ADAMTSL1: variants seen among roughly 807,000 people sequenced by gnomAD.
ADAMTSL1 encodes the protein ADAMTS-like protein 1.
ADAMTSL1 carries 126 observed loss-of-function variants against 201.8 expected under a neutral mutation model. The ratio of observed to expected loss-of-function variants is 0.62; its 90% CI spans 0.54 to 0.72. The LOEUF (loss-of-function observed/expected upper bound fraction) is 0.72. Among genes scored for constraint, ADAMTSL1 ranks in the 30% least tolerant of loss-of-function variants. The pLI is 0.00. For synonymous variants in ADAMTSL1, 1,121 were observed against 903.4 expected (o/e 1.24, Z -4.32); for missense variants, 2,679 against 2,277.8 (o/e 1.18, Z -3.59).
intron 1 of ADAMTSL1, among the ~76,000 whole-genome samples, chr9:17,928,138 G>T (rs1439746272): frequency 6.6e-6 from 1 of 151,806 alleles, no homozygotes; most frequent in Non-Finnish European, 1.5e-5. Flanking sequence ...GGGACTACAG[G>T]GATACGCCAA....
At chr9:18,032,765 T>G (rs1006835308) in intron 1 of ADAMTSL1, among the ~76,000 whole-genome samples, 4 of 152,226 alleles carry the variant, frequency 2.6e-5, no homozygotes. Context: ...GGGGTTGTGG[T>G]ATCTCTTGTG....
At chr9:17,985,307 C>A (rs12375839) in intron 1 of ADAMTSL1, among the ~76,000 whole-genome samples, 27,564 of 151,956 alleles carry the variant, frequency 0.18, 2,925 homozygotes, top group East Asian at 0.35. Flanking sequence ...AAATATTAAA[C>A]CTTTTGTATA....
chr9:18,295,861 T>C (rs891488678), intron 2 of ADAMTSL1, among the ~76,000 whole-genome samples: 2 of 152,348 alleles, frequency 1.3e-5, no homozygotes, highest in Admixed American at 1.3e-4. Context: ...ATTTGGATTT[T>C]TAAAAATGTA....
At chr9:18,314,875 C>G (rs1369981127) in intron 2 of ADAMTSL1, among the ~76,000 whole-genome samples, 1 of 139,098 alleles carries the variant, frequency 7.2e-6, no homozygotes, top group Non-Finnish European at 1.5e-5. Context: ...CGGCTCACTG[C>G]AAGCTCCGCC....
At chr9:18,337,502 T>A (rs1835291359) in intron 2 of ADAMTSL1, among the ~76,000 whole-genome samples, 1 of 152,156 alleles carries the variant, frequency 6.6e-6, no homozygotes, top group South Asian at 2.1e-4. Flanking sequence ...ACAATTATTA[T>A]CCATATTGTT....
At chr9:18,486,040 A>C (rs75387763) in intron 1 of ADAMTSL1, among the ~76,000 whole-genome samples, 2,080 of 152,316 alleles carry the variant, frequency 0.014, 49 homozygotes, top group African/African-American at 0.047. Flanking sequence ...TTGAGGCCTC[A>C]GAGGCTCTTA....
chr9:17,967,925 G>T (rs1818045036), intron 1 of ADAMTSL1, among the ~76,000 whole-genome samples: 1 of 152,108 alleles, frequency 6.6e-6, no homozygotes, highest in Admixed American at 6.6e-5. Context: ...AATAGACAGG[G>T]TGTGTAACTT....
At chr9:18,749,489 C>T (rs931406166) in intron 15 of ADAMTSL1, among the ~76,000 whole-genome samples, 1 of 152,140 alleles carries the variant, frequency 6.6e-6, no homozygotes, top group African/African-American at 2.4e-5. Context: ...ATCCCCTGTC[C>T]TCCTTGCACC....
intron 1 of ADAMTSL1, among the ~76,000 whole-genome samples, chr9:18,053,393 A>G (rs1311595928): frequency 2.0e-5 from 3 of 152,196 alleles, no homozygotes; most frequent in Non-Finnish European, 4.4e-5. Flanking sequence ...AAATGTTCAT[A>G]CTTTTTCACA....
intron 19 of ADAMTSL1, among the ~76,000 whole-genome samples, chr9:18,791,762 T>A (rs985144855): frequency 3.3e-5 from 5 of 152,210 alleles, no homozygotes; most frequent in African/African-American, 1.2e-4. Flanking sequence ...GTATATAGTG[T>A]TTATGGAATA....
At chr9:18,751,069 C>A (rs1161911995) in intron 15 of ADAMTSL1, among the ~76,000 whole-genome samples, 2 of 152,100 alleles carry the variant, frequency 1.3e-5, no homozygotes, top group Non-Finnish European at 2.9e-5. Flanking sequence ...TAGAAGTGAG[C>A]CACTAAGTCT....
intron 1 of ADAMTSL1, among the ~76,000 whole-genome samples, chr9:18,117,935 T>C (rs192533303): frequency 4.9e-4 from 74 of 152,352 alleles, no homozygotes; most frequent in African/African-American, 1.7e-3. Context: ...TTTGCTTTAA[T>C]GCTTGATCAT....
chr9:18,129,822 G>T (rs530754555), intron 1 of ADAMTSL1, among the ~76,000 whole-genome samples: 1 of 152,244 alleles, frequency 6.6e-6, no homozygotes, highest in East Asian at 1.9e-4. Context: ...TGTCTTGCAC[G>T]GCCAACAAGG....
intron 2 of ADAMTSL1, among the ~76,000 whole-genome samples, chr9:18,434,044 T>C (rs1301329766): frequency 6.6e-6 from 1 of 152,208 alleles, no homozygotes. Context: ...GCTGAACTTT[T>C]ATGTAACTTT....
At chr9:18,105,752 C>T (rs772765623) in intron 1 of ADAMTSL1, among the ~76,000 whole-genome samples, 1 of 152,186 alleles carries the variant, frequency 6.6e-6, no homozygotes, top group Non-Finnish European at 1.5e-5. Flanking sequence ...CATAGACATA[C>T]TTCTATTTAA....
chr9:18,864,236 C>T (rs1363113127), intron 23 of ADAMTSL1, among the ~76,000 whole-genome samples: 2 of 152,158 alleles, frequency 1.3e-5, no homozygotes, highest in Admixed American at 6.5e-5. Flanking sequence ...TCTGTGCAAT[C>T]TGTTTATCAA....
At chr9:18,109,669 T>C (rs144789877) in intron 1 of ADAMTSL1, among the ~76,000 whole-genome samples, 2 of 152,288 alleles carry the variant, frequency 1.3e-5, no homozygotes, top group East Asian at 3.9e-4. Flanking sequence ...GCATTTGAAG[T>C]ATATCAGACA....
chr9:18,135,405 A>T (rs1012306471), intron 1 of ADAMTSL1, among the ~76,000 whole-genome samples: 8 of 152,194 alleles, frequency 5.3e-5, no homozygotes, highest in African/African-American at 7.2e-5. Context: ...TGCTTAAAAA[A>T]ATATATTTTC....
chr9:18,719,729 C>T (rs988267027), intron 14 of ADAMTSL1, among the ~76,000 whole-genome samples: 3 of 152,098 alleles, frequency 2.0e-5, no homozygotes, highest in Non-Finnish European at 2.9e-5. Flanking sequence ...GTGATTTGGA[C>T]TCCAGCTGAG....
Sources: gnomAD v4.1 joint callset for allele counts (sites outside exome capture counted in the v4.1 genomes callset) on GRCh38, gnomAD v4.1.1 for gene constraint, MANE v1.5 for transcripts, NCBI Gene and HGNC (gene_info 2026-07-23, HGNC 2026-07-21) for gene names.